Variants in ATXN7L1 observed in about 807,000 individuals in gnomAD.
ATXN7L1 encodes the protein ataxin-7-like protein 1.
Under a neutral mutation model 70.8 loss-of-function variants are expected in ATXN7L1, and 15 were observed. The observed-to-expected ratio is 0.21, with a 90% CI of 0.14 to 0.33. The LOEUF (loss-of-function observed/expected upper bound fraction) is 0.33, where lower values mean the gene tolerates loss of function less well. ATXN7L1 is among the 10% of genes least tolerant of loss of function. The pLI is 1.00. For synonymous variants in ATXN7L1, 440 were observed against 445.1 expected (o/e 0.99, Z 0.14); for missense variants, 975 against 1,097.1 (o/e 0.89, Z 1.57).
At chr7:105,615,280 C>A (rs1793710871) in intron 9 of ATXN7L1, among the ~76,000 whole-genome samples, 1 of 152,152 alleles carries the variant, frequency 6.6e-6, no homozygotes, top group Non-Finnish European at 1.5e-5. Context: ...TACCTGGACA[C>A]AGGGGCCGGA....
At position 105,690,185 on chromosome 7, in the gene ATXN7L1, C is replaced by T. The variant is rs922286663; in HGVS notation, c.356-24897G>A. Among the ~76,000 whole-genome samples the T allele has an allele frequency of 3.3e-5, 5 of 151,670 alleles. No homozygotes were observed. In the East Asian group the frequency reaches 5.8e-4, roughly 18 times the overall value. On this transcript the variant is annotated intron_variant, in intron 3 of 11. Coordinates refer to ENST00000419735, the MANE Select transcript of ATXN7L1 (RefSeq NM_020725.2). ...ATGCCCAGCTAATTTTTGTATTTTT[C>T]GTAGAGACGGGGTTTCTCCATGTTG... is the stretch of plus-strand genomic sequence containing the variant.
At chr7:105,760,117 A>G in intron 3 of ATXN7L1, 2 of 876,808 alleles carry the variant, frequency 2.3e-6, no homozygotes, top group Non-Finnish European at 2.7e-6. Flanking sequence ...TGCTTTCCAT[A>G]TGCCAAGTTC....
intron 2 of ATXN7L1, among the ~76,000 whole-genome samples, chr7:105,827,573 G>A (rs992959568): frequency 3.3e-5 from 5 of 152,152 alleles, no homozygotes; most frequent in Admixed American, 1.3e-4. Flanking sequence ...CATGAAACTC[G>A]CCTGCACAGA....
At chr7:105,678,972 C>T in intron 3 of ATXN7L1, 14 of 723,230 alleles carry the variant, frequency 1.9e-5, no homozygotes, top group Non-Finnish European at 2.4e-5. Context: ...CATGATCTGC[C>T]TGCCAGGATC....
intron 4 of ATXN7L1, among the ~76,000 whole-genome samples, chr7:105,645,788 G>A (rs1048675833): frequency 1.3e-5 from 2 of 151,136 alleles, no homozygotes; most frequent in Non-Finnish European, 2.9e-5. Context: ...ACTCCAGCCT[G>A]GGAGACAGAG....
intron 3 of ATXN7L1, among the ~76,000 whole-genome samples, chr7:105,742,404 T>C (rs1316894073): frequency 2.0e-5 from 3 of 152,220 alleles, no homozygotes; most frequent in Non-Finnish European, 2.9e-5. Flanking sequence ...GCTTAACATA[T>C]GTGAGGCATT....
At chr7:105,830,060 T>A (rs1184240346) in intron 2 of ATXN7L1, among the ~76,000 whole-genome samples, 9 of 152,134 alleles carry the variant, frequency 5.9e-5, no homozygotes, top group Middle Eastern at 3.4e-3. Flanking sequence ...TGTTACCCCA[T>A]CCCCCGACAG....
intron 4 of ATXN7L1, among the ~76,000 whole-genome samples, chr7:105,658,348 CT>C (rs1436514717): frequency 1.3e-5 from 2 of 152,012 alleles, no homozygotes; most frequent in African/African-American, 2.4e-5. Flanking sequence ...CCACTTGTTC[CT>C]AGATTACAAA....
intron 3 of ATXN7L1, among the ~76,000 whole-genome samples, chr7:105,692,424 T>TCCTTCCTTCCTTCCTTCCTC: frequency 9.1e-5 from 8 of 88,082 alleles, no homozygotes; most frequent in East Asian, 3.7e-4. Context: ...CTTCCTTCCT[T>TCCTTCCTTCCTTCCTTCCTC]CCTCCCTCCC....
intron 2 of ATXN7L1, among the ~76,000 whole-genome samples, chr7:105,855,214 A>T (rs1013259121): frequency 6.6e-6 from 1 of 152,200 alleles, no homozygotes; most frequent in African/African-American, 2.4e-5. Flanking sequence ...CGGCCTCCCA[A>T]AGTGCTGGGA....
At chr7:105,862,364 G>A (rs927780611) in intron 2 of ATXN7L1, among the ~76,000 whole-genome samples, 47 of 152,160 alleles carry the variant, frequency 3.1e-4, no homozygotes, top group African/African-American at 1.1e-3. Context: ...ACTTGAGCCC[G>A]GGAGGTCAAG....
intron 2 of ATXN7L1, among the ~76,000 whole-genome samples, chr7:105,865,179 TACCTACTTTATACC>T (rs1033450203): frequency 2.6e-5 from 4 of 152,162 alleles, no homozygotes; most frequent in African/African-American, 9.7e-5. Flanking sequence ...CATTACTGAG[TACCTACTTTATACC>T]AGATAGCATC....
At chr7:105,669,263 G>A (rs1803148666) in intron 3 of ATXN7L1, among the ~76,000 whole-genome samples, 1 of 152,076 alleles carries the variant, frequency 6.6e-6, no homozygotes, top group East Asian at 1.9e-4. Flanking sequence ...TGTATTTTTA[G>A]TAGAGACAGG....
intron 2 of ATXN7L1, among the ~76,000 whole-genome samples, chr7:105,839,429 G>A (rs1812884708): frequency 6.6e-6 from 1 of 152,176 alleles, no homozygotes; most frequent in African/African-American, 2.4e-5. Context: ...TGTAAATGCT[G>A]GCAGCTTCCC....
At chr7:105,704,568 C>T (rs1792885907) in intron 3 of ATXN7L1, among the ~76,000 whole-genome samples, 1 of 148,788 alleles carries the variant, frequency 6.7e-6, no homozygotes, top group African/African-American at 2.5e-5. Context: ...AACCAATGTC[C>T]AGAGAGGTTT....
chr7:105,760,283 C>T, intron 3 of ATXN7L1: 1 of 959,600 alleles, frequency 1.0e-6, no homozygotes, highest in Non-Finnish European at 1.2e-6. Context: ...TAAAAAAATG[C>T]TTTTCCATAT....
intron 3 of ATXN7L1, among the ~76,000 whole-genome samples, chr7:105,775,112 C>T (rs940165259): frequency 2.0e-5 from 3 of 152,140 alleles, no homozygotes; most frequent in Non-Finnish European, 2.9e-5. Context: ...TTATGTTTTG[C>T]CCTAGACCTA....
At chr7:105,670,807 C>G (rs993989592) in intron 3 of ATXN7L1, among the ~76,000 whole-genome samples, 1 of 150,540 alleles carries the variant, frequency 6.6e-6, no homozygotes, top group African/African-American at 2.4e-5. Flanking sequence ...ACTAAAAATA[C>G]AAAAATTAGC....
intron 9 of ATXN7L1, chr7:105,617,700 G>A: frequency 2.9e-6 from 1 of 349,822 alleles, no homozygotes; most frequent in Non-Finnish European, 5.7e-6. Flanking sequence ...CACTGGCCCA[G>A]GGAAGTCCCA....
Sources: gnomAD v4.1 joint callset for allele counts (sites outside exome capture counted in the v4.1 genomes callset) on GRCh38, gnomAD v4.1.1 for gene constraint, MANE v1.5 for transcripts, NCBI Gene and HGNC (gene_info 2026-07-23, HGNC 2026-07-21) for gene names.